PSMA8: variants seen among roughly 807,000 people sequenced by gnomAD.
The protein encoded by PSMA8 is proteasome 20S subunit alpha 8.
Under a neutral mutation model 32.4 loss-of-function variants are expected in PSMA8, and 18 were observed. The observed-to-expected ratio is 0.56, with a 90% CI of 0.38 to 0.82. The LOEUF (loss-of-function observed/expected upper bound fraction) is 0.82. Ranked by LOEUF, PSMA8 falls within the 40% of genes least tolerant of loss-of-function variation. The probability of loss-of-function intolerance (pLI) is 0.00; values close to 1 mark genes in which losing one functional copy is unlikely to be tolerated. For synonymous variants in PSMA8, 104 were observed against 98.1 expected, an observed-to-expected ratio of 1.06 and a Z score of -0.36; for missense variants, 298 against 300.7, an observed-to-expected ratio of 0.99 and a Z score of 0.07.
chr18:26,175,435 G>A (rs1568067622), intron 4 of PSMA8, among the ~76,000 whole-genome samples: 1 of 152,186 alleles, frequency 6.6e-6, no homozygotes, highest in Non-Finnish European at 1.5e-5. Flanking sequence ...TGGATCTGTA[G>A]TGGCTCATCA....
rs1023272883 is a variant in PSMA8, at chr18:26,148,593, C to T, written c.230-3265C>T. Among the ~76,000 whole-genome samples the T allele has an allele frequency of 3.3e-5, 5 of 152,206 alleles. No homozygotes were observed. In the South Asian group the frequency reaches 8.3e-4, roughly 25 times the overall value. On this transcript the variant is annotated intron_variant, in intron 2 of 6. Coordinates refer to ENST00000415576, the MANE Select transcript of PSMA8 (RefSeq NM_001025096.2). ...TGGTGAAAGATTGAAAGCTTTCCCT[C>T]TAGAACCAGGAACAAGATAAAGATG... is the stretch of plus-strand genomic sequence containing the variant.
At chr18:26,151,805 A>G (rs2055047557) in intron 2 of PSMA8, 53 bp from the exon 3 acceptor site, 2 of 1,534,902 alleles carry the variant, frequency 1.3e-6, no homozygotes. Context: ...GGAAAAATGT[A>G]TTGTAAAAAA....
intron 4 of PSMA8, chr18:26,171,153 T>A: frequency 6.4e-7 from 1 of 1,559,324 alleles, no homozygotes; most frequent in Non-Finnish European, 8.5e-7. Context: ...CTGTTTACCT[T>A]CTACTGAAGA....
chr18:26,185,850 T>C (rs567888408), intron 6 of PSMA8, among the ~76,000 whole-genome samples: 1 of 150,948 alleles, frequency 6.6e-6, no homozygotes, highest in South Asian at 2.1e-4. Context: ...TTATTTGTTT[T>C]CATTTTTAAT....
At chr18:26,167,316 CA>C (rs2055188308) in intron 4 of PSMA8, among the ~76,000 whole-genome samples, 2 of 151,958 alleles carry the variant, frequency 1.3e-5, no homozygotes, top group Admixed American at 1.3e-4. Context: ...ATGTTGAATG[CA>C]AAACAGATAA....
chr18:26,171,618 C>A (rs901165224), intron 4 of PSMA8, among the ~76,000 whole-genome samples: 1 of 152,088 alleles, frequency 6.6e-6, no homozygotes, highest in Non-Finnish European at 1.5e-5. Flanking sequence ...CCTATAATCC[C>A]AGCTACTTGG....
At chr18:26,171,636 A>C (rs1165902137) in intron 4 of PSMA8, among the ~76,000 whole-genome samples, 1 of 152,082 alleles carries the variant, frequency 6.6e-6, no homozygotes, top group Non-Finnish European at 1.5e-5. Flanking sequence ...TGGGAGGCTG[A>C]GGCGTGAGAA....
At chr18:26,166,027 A>G (rs934818490) in intron 4 of PSMA8, among the ~76,000 whole-genome samples, 2 of 152,046 alleles carry the variant, frequency 1.3e-5, no homozygotes, top group Non-Finnish European at 2.9e-5. Flanking sequence ...GCTTGAACCC[A>G]GGAGGCAGAG....
rs1014918553 is a variant in PSMA8 at position 26,144,495 on chromosome 18, G to C, written c.103-64G>C. 27 of 1,368,208 alleles carry C rather than the reference G, an allele frequency of 2.0e-5. No homozygotes were observed. The African/African-American group carries it at 3.9e-4, about 20-fold the overall frequency. 84.8% of individuals were successfully genotyped at this position (1,368,208 alleles called of 1,614,324 possible). The stretch of plus-strand genomic sequence containing the variant: ...GTCATTTCCCCTAAGTCATATGTTA[G>C]AATAACTTGGTTTTATATTTTAAAC... On this transcript the variant is annotated intron_variant, in intron 1 of 6. Transcript: ENST00000415576.
At chr18:26,142,778 G>A (rs537818206) in intron 1 of PSMA8, among the ~76,000 whole-genome samples, 35 of 152,240 alleles carry the variant, frequency 2.3e-4, no homozygotes, top group Non-Finnish European at 4.1e-4. Context: ...GGTGGAAAGC[G>A]CAAACAAGCT....
At chr18:26,171,136 C>A (rs2055217227) in intron 4 of PSMA8, 1 of 1,559,180 alleles carries the variant, frequency 6.4e-7, no homozygotes, top group South Asian at 1.1e-5. Context: ...CCCATAATCA[C>A]CAGATTCTGT....
chr18:26,142,401 T>C (rs2054966042), intron 1 of PSMA8, among the ~76,000 whole-genome samples: 1 of 152,178 alleles, frequency 6.6e-6, no homozygotes, highest in Non-Finnish European at 1.5e-5. Context: ...CCAATACCTA[T>C]GTCAAAATTT....
At chr18:26,144,471 T>A (rs2054984881) in intron 1 of PSMA8, 88 bp from the exon 2 acceptor site, 1 of 1,096,528 alleles carries the variant, frequency 9.1e-7, no homozygotes, top group Non-Finnish European at 1.3e-6. Context: ...TAAGGAGAAG[T>A]CATTTCCCCT....
At chr18:26,182,055 T>C (rs2055316413) in intron 6 of PSMA8, among the ~76,000 whole-genome samples, 1 of 152,142 alleles carries the variant, frequency 6.6e-6, no homozygotes, top group South Asian at 2.1e-4. Context: ...TCTTCAATTC[T>C]GTGAAGGCTG....
At chr18:26,134,583 C>T (rs1020242342) in intron 1 of PSMA8, among the ~76,000 whole-genome samples, 1 of 152,010 alleles carries the variant, frequency 6.6e-6, no homozygotes, top group Non-Finnish European at 1.5e-5. Flanking sequence ...TCCCCAAATA[C>T]GGACTAAATC....
chr18:26,176,519 A>G (rs998391793), intron 4 of PSMA8, among the ~76,000 whole-genome samples: 1 of 152,258 alleles, frequency 6.6e-6, no homozygotes, highest in African/African-American at 2.4e-5. Flanking sequence ...AAAATTATAT[A>G]AAGTAAAAAT....
chr18:26,134,073 G>A lies in PSMA8; in HGVS notation c.102+6G>A. ...TGAAGAAAGGATCCACCGCGGTGAG[G>A]AAGCAACTATTACCGGACTATTCCC... On this transcript the variant is annotated splice_donor_region_variant and intron_variant, in intron 1 of 6. Coordinates refer to ENST00000415576, the MANE Select transcript of PSMA8 (RefSeq NM_001025096.2). The A allele has an allele frequency of 6.2e-7, 1 of 1,605,694 alleles. No homozygotes were observed. Among genetic ancestry groups the A allele is most frequent in the African/African-American group, 1.3e-5 (1 of 74,870 alleles).
intron 3 of PSMA8, among the ~76,000 whole-genome samples, chr18:26,157,254 T>A (rs2055097357): frequency 6.6e-6 from 1 of 152,014 alleles, no homozygotes; most frequent in Admixed American, 6.6e-5. Context: ...TGAAGTTGCC[T>A]AAAAATTTAG....
rs888061137 is a variant in PSMA8 at position 26,183,569 on chromosome 18, C to A, written c.660+4439C>A. Among the ~76,000 whole-genome samples the A allele has an allele frequency of 4.0e-5, 6 of 150,662 alleles. 1 individual carries two copies. The highest frequency in any genetic ancestry group is 1.3e-4 in the Admixed American group (2 of 15,142). On this transcript the variant is annotated intron_variant, in intron 6 of 6. Transcript: ENST00000415576. ...TTAGAAGTGGAGCCTGAATATGCAA[C>A]TGAATTGCTGCAATCTTGTGATAAA...
Sources: gnomAD v4.1 joint callset for allele counts (sites outside exome capture counted in the v4.1 genomes callset) on GRCh38, gnomAD v4.1.1 for gene constraint, MANE v1.5 for transcripts, NCBI Gene and HGNC (gene_info 2026-07-23, HGNC 2026-07-21) for gene names.